Variants in DIAPH2 observed in about 807,000 individuals in gnomAD.
The protein encoded by DIAPH2 is diaphanous related formin 2, also known as protein diaphanous homolog 2.
A neutral mutation model predicts 92.7 loss-of-function variants in DIAPH2; 35 were observed. The ratio of observed to expected loss-of-function variants is 0.38; its 90% CI spans 0.29 to 0.50. DIAPH2 has a LOEUF of 0.50. DIAPH2 is among the 20% of genes least tolerant of loss of function. The pLI is 0.94. For synonymous variants in DIAPH2, 301 were observed against 280.4 expected (o/e 1.07, Z -0.73); for missense variants, 701 against 819.5 (o/e 0.86, Z 1.77).
chrX:97,180,764 C>A (rs2067532903), intron 22 of DIAPH2, among the ~76,000 whole-genome samples: 2 of 111,643 alleles, frequency 1.8e-5, no homozygotes, highest in Non-Finnish European at 3.8e-5. Context: ...AATAGGGAAT[C>A]ATTTCCCCAT....
intron 26 of DIAPH2, among the ~76,000 whole-genome samples, chrX:97,473,578 G>A (rs1262393360): frequency 9.0e-6 from 1 of 111,623 alleles, no homozygotes; most frequent in African/African-American, 3.2e-5. Context: ...CTCGTGATCT[G>A]CCCGCCTTGG....
intron 26 of DIAPH2, among the ~76,000 whole-genome samples, chrX:97,446,594 TTTTTG>T (rs1018457866): frequency 4.5e-5 from 5 of 111,788 alleles, no homozygotes; most frequent in African/African-American, 1.6e-4. Flanking sequence ...CATCCACGTG[TTTTTG>T]TTTTGTTTTG....
chrX:96,957,934 G>T lies in DIAPH2; in HGVS notation c.1721G>T (p.Gly574Val). The T allele has an allele frequency of 8.3e-7, 1 of 1,209,965 alleles. No individual in the cohort carries two copies. The highest frequency in any genetic ancestry group is 2.2e-5 in the Admixed American group (1 of 45,866). The part of the protein sequence containing the change: ...PPPPAPPLPG[G>V]APLPPPPPPL... Reference sequence around the variant, plus strand: ...CCACCCGCGCCACCTCTACCCGGAGGAGCTCCTCTTCCTCCTCCACCACCT... The same window carrying T: ...CCACCCGCGCCACCTCTACCCGGAGTAGCTCCTCTTCCTCCTCCACCACCT... Residue 574 changes from glycine to valine, a missense_variant, in exon 16 of 27, where the codon GGA becomes GTA. Coordinates refer to ENST00000324765, the MANE Select transcript of DIAPH2 (RefSeq NM_006729.5).
chrX:97,440,403 C>T (rs994891529), intron 26 of DIAPH2, among the ~76,000 whole-genome samples: 1 of 109,729 alleles, frequency 9.1e-6, no homozygotes, highest in East Asian at 2.9e-4. Flanking sequence ...ACCAGCCTGG[C>T]CAACATGGTG....
chrX:97,474,112 C>T (rs1471031024), intron 26 of DIAPH2, among the ~76,000 whole-genome samples: 2 of 112,549 alleles, frequency 1.8e-5, no homozygotes, highest in Non-Finnish European at 3.7e-5. Flanking sequence ...GCAATTGTGA[C>T]AGAGACTCTG....
At chrX:96,788,619 T>C (rs1350159847) in intron 4 of DIAPH2, among the ~76,000 whole-genome samples, 2 of 112,111 alleles carry the variant, frequency 1.8e-5, no homozygotes, top group Non-Finnish European at 3.8e-5. Flanking sequence ...AAAATCGAAA[T>C]GTCCATGTGG....
chrX:97,457,031 T>G (rs1462533074), intron 26 of DIAPH2, among the ~76,000 whole-genome samples: 3 of 112,372 alleles, frequency 2.7e-5, no homozygotes, highest in African/African-American at 9.7e-5. Context: ...TTTTTGTTTT[T>G]TGTTTTTGAG....
At chrX:97,490,163 A>C (rs928728708) in intron 26 of DIAPH2, among the ~76,000 whole-genome samples, 1 of 111,064 alleles carries the variant, frequency 9.0e-6, no homozygotes, top group Admixed American at 9.6e-5. Flanking sequence ...ATTTCTGTGA[A>C]TATAACCATT....
At chrX:97,416,393 G>T (rs988005890) in intron 25 of DIAPH2, among the ~76,000 whole-genome samples, 4 of 111,958 alleles carry the variant, frequency 3.6e-5, no homozygotes, top group African/African-American at 1.3e-4. Context: ...GCCTACTTTG[G>T]CTGCTCTACT....
At chrX:97,234,169 C>A (rs866985156) in intron 22 of DIAPH2, among the ~76,000 whole-genome samples, 6 of 95,982 alleles carry the variant, frequency 6.3e-5, no homozygotes, top group Non-Finnish European at 8.3e-5. Context: ...ACTAAAAATA[C>A]AAAAAAAAAA....
At chrX:97,489,728 G>A (rs1708387447) in intron 26 of DIAPH2, among the ~76,000 whole-genome samples, 1 of 111,646 alleles carries the variant, frequency 9.0e-6, no homozygotes, top group African/African-American at 3.2e-5. Flanking sequence ...TTAATGTGGT[G>A]TAGCACATTA....
At chrX:97,194,901 T>C (rs1236450799) in intron 22 of DIAPH2, among the ~76,000 whole-genome samples, 2 of 112,336 alleles carry the variant, frequency 1.8e-5, no homozygotes, top group African/African-American at 3.2e-5. Context: ...ATTTACTTAA[T>C]CAACAGTTCT....
At chrX:97,005,722 G>T (rs747772163) in intron 17 of DIAPH2, among the ~76,000 whole-genome samples, 1 of 109,621 alleles carries the variant, frequency 9.1e-6, no homozygotes, top group Non-Finnish European at 1.9e-5. Context: ...TGTATTTTTG[G>T]TAGAGATGGG....
At chrX:97,038,682 G>A (rs994860261) in intron 17 of DIAPH2, among the ~76,000 whole-genome samples, 3 of 109,508 alleles carry the variant, frequency 2.7e-5, no homozygotes, top group Non-Finnish European at 3.8e-5. Flanking sequence ...TCTCATTGTC[G>A]CTTTAATTTT....
rs988063729 is a variant in DIAPH2 at position 97,064,271 on chromosome X, G to A, written c.2051-8670G>A. On this transcript the variant is annotated intron_variant, in intron 17 of 26. Transcript: ENST00000324765. ...TTCAAAGACTCTCCTGGTTGATTCTGGGAGTCTTTGGGAATGGAGGTGATC... is the reference window on the plus strand; with the variant it reads ...TTCAAAGACTCTCCTGGTTGATTCTAGGAGTCTTTGGGAATGGAGGTGATC... Among the ~76,000 whole-genome samples the A allele has an allele frequency of 5.4e-5, 6 of 111,606 alleles. No individual in the cohort carries two copies. The Admixed American group carries it at 5.7e-4, about 11-fold the overall frequency.
rs765389326 is a variant in DIAPH2, at chrX:97,565,863, C to T, written c.3242-33390C>T. Among the ~76,000 whole-genome samples the T allele has an allele frequency of 6.2e-5, 7 of 112,177 alleles. No individual in the cohort carries two copies. The South Asian group carries it at 2.6e-3, about 41-fold the overall frequency. On this transcript the variant is annotated intron_variant, in intron 26 of 26. Transcript: ENST00000324765. The stretch of plus-strand genomic sequence containing the variant: ...AGGCTTTTTCCGCAAGCCACAAATA[C>T]TCATTTGCATACCACTAGGTCCATT...
At chrX:96,817,214 A>G (rs1357652473) in intron 4 of DIAPH2, among the ~76,000 whole-genome samples, 1 of 112,098 alleles carries the variant, frequency 8.9e-6, no homozygotes, top group African/African-American at 3.2e-5. Flanking sequence ...AACTAAACTA[A>G]CTAAACGTGT....
At chrX:97,564,474 GT>G (rs2071313425) in intron 26 of DIAPH2, 1 of 111,852 alleles carries the variant, frequency 8.9e-6, no homozygotes, top group Non-Finnish European at 1.9e-5. Context: ...ACTTCTTGCT[GT>G]ATCCTCACAT....
chrX:96,809,840 G>C (rs2064661699), intron 4 of DIAPH2, among the ~76,000 whole-genome samples: 1 of 111,829 alleles, frequency 8.9e-6, no homozygotes, highest in Admixed American at 9.5e-5. Context: ...CTGCAAAGAA[G>C]ATGAACTCAT....
Sources: gnomAD v4.1 joint callset for allele counts (sites outside exome capture counted in the v4.1 genomes callset) on GRCh38, gnomAD v4.1.1 for gene constraint, MANE v1.5 for transcripts, NCBI Gene and HGNC (gene_info 2026-07-23, HGNC 2026-07-21) for gene names.